The following HSD17B12 variants were observed in gnomAD, a reference collection of about 807,000 sequenced individuals.
The protein encoded by HSD17B12 is very-long-chain 3-oxoacyl-CoA reductase.
Under a neutral mutation model 39.3 loss-of-function variants are expected in HSD17B12, and 32 were observed. That is an observed-to-expected ratio of 0.81 (90% CI 0.61 to 1.09). HSD17B12 has a LOEUF of 1.09. Ranked by LOEUF, HSD17B12 falls within the 50% of genes least tolerant of loss-of-function variation. The pLI is 0.00. For synonymous variants in HSD17B12, 150 were observed against 146.7 expected (o/e 1.02, Z -0.16); for missense variants, 342 against 382.9 (o/e 0.89, Z 0.89).
At position 43,744,059 on chromosome 11, in the gene HSD17B12, T is replaced by C. The variant is rs1487113843; in HGVS notation, c.161-6852T>C. On this transcript the variant is annotated intron_variant, in intron 1 of 10. Transcript: ENST00000278353. ...TGACAACCTACATTTAAAAAGTACA[T>C]AGATGGTTTGGAAGATAAAGTTGAA... Among the ~76,000 whole-genome samples the C allele has an allele frequency of 2.0e-5, 3 of 152,078 alleles. No homozygotes were observed. In the East Asian group the frequency reaches 5.8e-4, roughly 29 times the overall value.
At chr11:43,777,613 A>C (rs370993917) in intron 3 of HSD17B12, among the ~76,000 whole-genome samples, 4 of 152,110 alleles carry the variant, frequency 2.6e-5, no homozygotes, top group Non-Finnish European at 2.9e-5. Flanking sequence ...TCTCCTGCCT[A>C]ATTGCCCTGG....
intron 1 of HSD17B12, among the ~76,000 whole-genome samples, chr11:43,716,245 A>G (rs1565060886): frequency 6.6e-6 from 1 of 152,136 alleles, no homozygotes; most frequent in Non-Finnish European, 1.5e-5. Context: ...TGCAAAATGG[A>G]GGGACTGATG....
intron 1 of HSD17B12, among the ~76,000 whole-genome samples, chr11:43,737,953 G>A (rs531431279): frequency 7.9e-5 from 12 of 151,222 alleles, no homozygotes; most frequent in Non-Finnish European, 1.3e-4. Flanking sequence ...GGCGCCTGTA[G>A]TCCCAGCTAC....
At chr11:43,581,174 T>C in the HSD17B12 span, among the ~76,000 whole-genome samples, 566 of 151,988 alleles carry the variant, frequency 3.7e-3, 7 homozygotes, top group East Asian at 0.033. This position sits in a 1 kb window ranked among gnomAD's most constrained non-coding sequence, Gnocchi z 4.9. Flanking sequence ...GCGGTCCCCT[T>C]CTCGCCCTCC....
chr11:43,820,813 G>C (rs1951175175), intron 6 of HSD17B12, among the ~76,000 whole-genome samples: 1 of 152,232 alleles, frequency 6.6e-6, no homozygotes, highest in Non-Finnish European at 1.5e-5. Context: ...CTACTTTGGA[G>C]ATGTTTGCTG....
At chr11:43,594,418 A>G in the HSD17B12 span, among the ~76,000 whole-genome samples, 2 of 152,132 alleles carry the variant, frequency 1.3e-5, no homozygotes, top group African/African-American at 2.4e-5. Flanking sequence ...ATATAGAAAA[A>G]AAAGTACCCT....
At chr11:43,570,362 T>A in the HSD17B12 span, 1 of 152,196 alleles carries the variant, frequency 6.6e-6, no homozygotes, top group African/African-American at 2.4e-5. Flanking sequence ...ATCATCTAGA[T>A]TTTTTTCTCC....
At chr11:43,824,064 T>G (rs765392020) in intron 6 of HSD17B12, among the ~76,000 whole-genome samples, 18 of 152,088 alleles carry the variant, frequency 1.2e-4, no homozygotes, top group Non-Finnish European at 2.4e-4. Context: ...TAACTTCTCT[T>G]GGGAAAAATC....
intron 4 of HSD17B12, among the ~76,000 whole-genome samples, chr11:43,801,045 A>T (rs1359649302): frequency 6.6e-6 from 1 of 152,114 alleles, no homozygotes; most frequent in African/African-American, 2.4e-5. Context: ...AGGCTGAGGC[A>T]GGAGAATCGC....
At chr11:43,703,712 C>T (rs1590674375) in intron 1 of HSD17B12, among the ~76,000 whole-genome samples, 1 of 152,042 alleles carries the variant, frequency 6.6e-6, no homozygotes, top group Non-Finnish European at 1.5e-5. Context: ...CATATAGTTA[C>T]TCATAGTAGC....
intron 3 of HSD17B12, among the ~76,000 whole-genome samples, chr11:43,779,788 T>C (rs1243504572): frequency 6.6e-6 from 1 of 152,190 alleles, no homozygotes; most frequent in Non-Finnish European, 1.5e-5. Context: ...CCCTGAACAG[T>C]AGGCAAAATA....
the HSD17B12 span, among the ~76,000 whole-genome samples, chr11:43,655,388 G>A: frequency 1.3e-5 from 2 of 152,022 alleles, no homozygotes; most frequent in Non-Finnish European, 2.9e-5. Context: ...CTAATTGAAT[G>A]CCCTTTATTT....
At chr11:43,656,206 G>A in the HSD17B12 span, among the ~76,000 whole-genome samples, 2 of 152,170 alleles carry the variant, frequency 1.3e-5, no homozygotes, top group African/African-American at 4.8e-5. Context: ...GGTGTTTATA[G>A]TATTCTCTGA....
rs1276064313 is a variant in HSD17B12 at position 43,728,875 on chromosome 11, T to A, written c.161-22036T>A. Among the ~76,000 whole-genome samples the A allele has an allele frequency of 5.9e-5, 9 of 152,212 alleles. No homozygotes were observed. The South Asian group carries it at 1.9e-3, about 31-fold the overall frequency. ...TTTTGATAACTGTATTGTGTTCTAT[T>A]GTACTGATATGCTATAATGTGTAAT... On this transcript the variant is annotated intron_variant, in intron 1 of 10. Coordinates refer to ENST00000278353, the MANE Select transcript of HSD17B12 (RefSeq NM_016142.3).
chr11:43,720,170 G>T (rs188270068), intron 1 of HSD17B12, among the ~76,000 whole-genome samples: 1 of 152,056 alleles, frequency 6.6e-6, no homozygotes, highest in Non-Finnish European at 1.5e-5. Flanking sequence ...CAGATCTTTC[G>T]CCAGTTGTAG....
the HSD17B12 span, among the ~76,000 whole-genome samples, chr11:43,576,054 C>A: frequency 6.6e-6 from 1 of 152,102 alleles, no homozygotes; most frequent in African/African-American, 2.4e-5. Flanking sequence ...GGCTATGCCC[C>A]CCCACCCCCT....
At chr11:43,727,122 A>G (rs1950228606) in intron 1 of HSD17B12, among the ~76,000 whole-genome samples, 1 of 152,206 alleles carries the variant, frequency 6.6e-6, no homozygotes, top group East Asian at 1.9e-4. Flanking sequence ...GAACAAGACA[A>G]CTGTATACTC....
chr11:43,825,771 G>A (rs1393450560), intron 6 of HSD17B12, among the ~76,000 whole-genome samples: 1 of 152,220 alleles, frequency 6.6e-6, no homozygotes, highest in African/African-American at 2.4e-5. Flanking sequence ...ACAAAATGAT[G>A]GTTTTGCCAA....
chr11:43,677,969 A>G (rs946655029), upstream of HSD17B12, among the ~76,000 whole-genome samples: 3 of 152,194 alleles, frequency 2.0e-5, no homozygotes, highest in African/African-American at 7.2e-5. Context: ...GGTTGGGTCA[A>G]ATGGTATTTC....
Sources: gnomAD v4.1 joint callset for allele counts (sites outside exome capture counted in the v4.1 genomes callset) on GRCh38, gnomAD v4.1.1 for gene constraint, Gnocchi (gnomAD v3.1) non-coding constraint, MANE v1.5 for transcripts, NCBI Gene and HGNC (gene_info 2026-07-23, HGNC 2026-07-21) for gene names.